Variants in CFAP300 observed in about 807,000 individuals in gnomAD.
The protein encoded by CFAP300 is cilia- and flagella-associated protein 300.
Under a neutral mutation model 33.0 loss-of-function variants are expected in CFAP300, and 32 were observed. The ratio of observed to expected loss-of-function variants is 0.97; its 90% CI spans 0.73 to 1.30. The LOEUF is 1.30. Among genes scored for constraint, CFAP300 ranks in the 50% most tolerant of loss-of-function variants. The pLI is 0.00. For synonymous variants in CFAP300, 102 were observed against 106.8 expected (o/e 0.95, Z 0.28); for missense variants, 356 against 318.1 (o/e 1.12, Z -0.90).
intron 4 of CFAP300, among the ~76,000 whole-genome samples, chr11:102,074,304 G>A (rs899316774): frequency 6.6e-6 from 1 of 152,262 alleles, no homozygotes; most frequent in African/African-American, 2.4e-5. Context: ...ACTAGTCTCT[G>A]GGCCCATGAG....
chr11:102,050,754 T>C (rs965551980), intron 2 of CFAP300, among the ~76,000 whole-genome samples: 4 of 152,172 alleles, frequency 2.6e-5, no homozygotes, highest in Non-Finnish European at 5.9e-5. Context: ...TAGGAATTCA[T>C]CAGGTAGATG....
At chr11:102,067,726 A>G (rs1349036049) in intron 4 of CFAP300, among the ~76,000 whole-genome samples, 1 of 152,188 alleles carries the variant, frequency 6.6e-6, no homozygotes. Flanking sequence ...ACAACAGAGC[A>G]AGACCCTCAT....
intron 2 of CFAP300, among the ~76,000 whole-genome samples, chr11:102,055,746 C>T (rs1414289029): frequency 6.9e-6 from 1 of 145,686 alleles, no homozygotes; most frequent in East Asian, 2.1e-4. Context: ...GATCTTGGCT[C>T]ACTGCAAGCT....
At chr11:102,058,157 T>C (rs1942087049) in intron 2 of CFAP300, among the ~76,000 whole-genome samples, 1 of 152,164 alleles carries the variant, frequency 6.6e-6, no homozygotes, top group Admixed American at 6.5e-5. Context: ...GGGTCCAGCC[T>C]TCAGCCTGAT....
rs538180709 is a variant in CFAP300, at chr11:102,059,812, C to CTTT, written c.268+871_268+873dup. On this transcript the variant is annotated intron_variant, in intron 3 of 6. Coordinates refer to ENST00000434758, the MANE Select transcript of CFAP300 (RefSeq NM_032930.3). ...ACAGAGGAATCAGCCAACCACAGGA[C>CTTT]TTTTTTTTTTTTTTTTGAGACAGTG... Among the ~76,000 whole-genome samples, 680 of 138,962 alleles carry CTTT rather than the reference C, an allele frequency of 4.9e-3. 4 individuals are homozygous for CTTT. Among genetic ancestry groups the CTTT allele is most frequent in the Non-Finnish European group, 8.4e-3 (540 of 64,520 alleles). 91.2% of individuals were successfully genotyped at this position (138,962 alleles called of 152,430 possible).
At chr11:102,068,077 T>C (rs1942255033) in intron 4 of CFAP300, among the ~76,000 whole-genome samples, 1 of 152,254 alleles carries the variant, frequency 6.6e-6, no homozygotes, top group African/African-American at 2.4e-5. Flanking sequence ...TTTCTTCATC[T>C]ATAAAGTAGG....
At position 102,066,629 on chromosome 11, in the gene CFAP300, T is replaced by C; in HGVS notation, c.413T>C (p.Leu138Pro). 6.2e-7 allele frequency: 1 copy of C among 1,607,748 alleles called. No individual in the cohort carries two copies. The highest frequency in any genetic ancestry group is 8.5e-7 in the Non-Finnish European group (1 of 1,178,642). ...KCLDSFCDPF[L>P]ISDELRRVLL... is the part of the protein sequence containing the mutation. ...TTAGATTCTTTTTGTGATCCATTTC[T>C]CATTTCTGATGAGTTACGAAGAGTA... The change falls in exon 4 of 7, where the codon CTC becomes CCC. Residue 138 changes from leucine to proline, a missense_variant. Physicochemically the swap from Leu to Pro is moderately conservative, Grantham distance 98 (BLOSUM62 -3). Transcript: ENST00000434758.
intron 2 of CFAP300, 48 bp from the exon 3 acceptor site, chr11:102,058,832 C>G (rs758863225): frequency 1.9e-6 from 2 of 1,070,266 alleles, no homozygotes; most frequent in East Asian, 5.1e-5. Flanking sequence ...TTTTTACTAT[C>G]ATTTATAATA....
chr11:102,057,443 GTTAGT>G (rs1437784380), intron 2 of CFAP300, among the ~76,000 whole-genome samples: 1 of 103,072 alleles, frequency 9.7e-6, no homozygotes, highest in African/African-American at 5.3e-5. Flanking sequence ...TTTTCTTACA[GTTAGT>G]TTTTTTTTTT....
chr11:102,066,463 T>G (rs758308291), intron 3 of CFAP300, 22 bp from the exon 4 acceptor site: 3 of 1,539,968 alleles, frequency 1.9e-6, no homozygotes, highest in Non-Finnish European at 2.6e-6. Flanking sequence ...ATCTCCATTC[T>G]TTATAAAATA....
intron 5 of CFAP300, among the ~76,000 whole-genome samples, chr11:102,077,326 T>C (rs1942410548): frequency 1.3e-5 from 2 of 152,210 alleles, no homozygotes; most frequent in East Asian, 1.9e-4. Flanking sequence ...CTCTTCTACA[T>C]TTTTGGATGC....
Position 102,066,510 on chromosome 11 carries a change from T to G in CFAP300, c.294T>G (p.Ala98=). ...GAACTGAAGTGAAAAAAATTGAAGCTATAAATGTTCCTTGCACACAGCTTT... is the reference window on the plus strand; with the variant it reads ...GAACTGAAGTGAAAAAAATTGAAGCGATAAATGTTCCTTGCACACAGCTTT... ...ILGTEVKKIE[A]INVPCTQLSM... is the part of the protein sequence containing the mutation. Residue 98 remains alanine (A), a synonymous_variant, in exon 4 of 7, where the codon GCT becomes GCG. Coordinates refer to ENST00000434758, the MANE Select transcript of CFAP300 (RefSeq NM_032930.3). 6.2e-7 allele frequency: 1 copy of G among 1,601,062 alleles called. No homozygotes were observed. The highest frequency in any genetic ancestry group is 8.5e-7 in the Non-Finnish European group (1 of 1,175,812).
chr11:102,083,549 T>C lies in CFAP300; in HGVS notation c.*350T>C, dbSNP rs1942506582. On this transcript the variant is annotated 3_prime_UTR_variant, in exon 7 of 7. Coordinates refer to ENST00000434758, the MANE Select transcript of CFAP300 (RefSeq NM_032930.3). ...AAGCTAATTAATTATGGATTGAAAATGTAGCAGAAAACTAAACATGTCTAC... is the reference window on the plus strand; with the variant it reads ...AAGCTAATTAATTATGGATTGAAAACGTAGCAGAAAACTAAACATGTCTAC... The C allele has an allele frequency of 1.3e-5, 2 of 157,202 alleles. No individual in the cohort carries two copies. The highest frequency in any genetic ancestry group is 4.8e-5 in the African/African-American group (2 of 41,688). 9.7% of individuals were successfully genotyped at this position (157,202 alleles called of 1,614,324 possible).
rs1314594214 is a variant in CFAP300, at chr11:102,073,183, G to A, written c.436-2690G>A. On this transcript the variant is annotated intron_variant, in intron 4 of 6. Coordinates refer to ENST00000434758, the MANE Select transcript of CFAP300 (RefSeq NM_032930.3). ...GGATGTGTGTTTGGGTCCTCAGGCA[G>A]TGTGCATTAAATGGATGATGGCTGT... Among the ~76,000 whole-genome samples the A allele has an allele frequency of 2.0e-5, 3 of 152,174 alleles. No homozygotes were observed. The East Asian group carries it at 5.8e-4, about 29-fold the overall frequency.
intron 3 of CFAP300, 133 bp from the exon 4 acceptor site, chr11:102,066,352 A>G (rs958485383): frequency 5.5e-5 from 28 of 509,060 alleles, no homozygotes; most frequent in Non-Finnish European, 8.7e-5. Context: ...AAACTAATAT[A>G]TATTTTAAAT....
chr11:102,063,043 A>G (rs1421859379), intron 3 of CFAP300, among the ~76,000 whole-genome samples: 7 of 152,258 alleles, frequency 4.6e-5, no homozygotes, highest in African/African-American at 1.4e-4. Context: ...CATCAGGGCC[A>G]CTGCCTCCAT....
intron 4 of CFAP300, among the ~76,000 whole-genome samples, chr11:102,068,612 C>T (rs2135036790): frequency 6.6e-6 from 1 of 152,174 alleles, no homozygotes; most frequent in South Asian, 2.1e-4. Flanking sequence ...TATGGCAAAA[C>T]CCTGTCTCTA....
chr11:102,052,849 G>A (rs2135013219), intron 2 of CFAP300, among the ~76,000 whole-genome samples: 1 of 152,234 alleles, frequency 6.6e-6, no homozygotes, highest in East Asian at 1.9e-4. Context: ...TCTTTTTCCA[G>A]CCCTTCAATT....
intron 4 of CFAP300, among the ~76,000 whole-genome samples, chr11:102,073,374 A>G (rs906910873): frequency 1.3e-5 from 2 of 152,138 alleles, no homozygotes; most frequent in South Asian, 2.1e-4. Flanking sequence ...CAGATCCCCA[A>G]GAGGAGCACC....
Sources: allele counts gnomAD v4.1 joint callset (sites outside exome capture counted in the v4.1 genomes callset), GRCh38; gene constraint gnomAD v4.1.1; transcripts MANE v1.5; gene names NCBI Gene and HGNC (gene_info 2026-07-23, HGNC 2026-07-21).